PTPRG: variants seen among roughly 807,000 people sequenced by gnomAD.
The protein encoded by PTPRG is protein tyrosine phosphatase receptor type G, also known as receptor-type tyrosine-protein phosphatase gamma.
PTPRG carries 102 observed loss-of-function variants against 165.3 expected under a neutral mutation model. The observed-to-expected ratio is 0.62, with a 90% CI of 0.53 to 0.73. The LOEUF (loss-of-function observed/expected upper bound fraction) is 0.73, where lower values mean the gene tolerates loss of function less well. Among genes scored for constraint, PTPRG ranks in the 30% least tolerant of loss-of-function variants. The pLI is 0.00. For synonymous variants in PTPRG, 675 were observed against 669.5 expected, an observed-to-expected ratio of 1.01 and a Z score of -0.13; for missense variants, 1,866 against 1,861.4, an observed-to-expected ratio of 1.00 and a Z score of -0.05.
chr3:62,074,162 T>C (rs1482481256), intron 4 of PTPRG, among the ~76,000 whole-genome samples: 4 of 143,296 alleles, frequency 2.8e-5, no homozygotes, highest in Admixed American at 7.2e-5. Flanking sequence ...TCCCAGATGA[T>C]TGAGGAAAAA....
chr3:61,667,677 C>T (rs1575575960), intron 1 of PTPRG, among the ~76,000 whole-genome samples: 1 of 152,044 alleles, frequency 6.6e-6, no homozygotes, highest in East Asian at 1.9e-4. Context: ...TGGTGCTGCA[C>T]ACCTGCAGTC....
intron 2 of PTPRG, among the ~76,000 whole-genome samples, chr3:61,861,394 G>T (rs189864426): frequency 9.5e-4 from 145 of 152,298 alleles, no homozygotes; most frequent in Non-Finnish European, 1.8e-3. Context: ...ATTGATCAAA[G>T]ATATCATTGT....
rs537743302 is a variant in PTPRG at position 62,168,098 on chromosome 3, G to T, written c.968G>T (p.Arg323Leu). The T allele has an allele frequency of 2.3e-5, 37 of 1,614,062 alleles. No individual in the cohort carries two copies. In the African/African-American group the frequency reaches 4.8e-4, roughly 21 times the overall value. The change falls in exon 8 of 30, where the codon CGT (arginine) becomes CTT (leucine). Residue 323 changes from arginine (R) to leucine (L), a missense_variant. Arg to Leu is a moderately radical substitution (Grantham distance 102). This residue lies in a region of PTPRG where 1,452 missense variants were observed against 1,463.0 expected (regional missense o/e 0.99). Transcript: ENST00000474889. The stretch of plus-strand genomic sequence containing the variant: ...AGGGTGGTGTCCAAGTCCGCCGTCC[G>T]TGACTCCTGGAACCACGACATGACA... Reference protein sequence around the residue: ...HDRVVSKSAVRDSWNHDMTDF... With the variant: ...HDRVVSKSAVLDSWNHDMTDF...
intron 11 of PTPRG, 31 bp downstream of exon 11, chr3:62,201,585 TG>T: frequency 6.2e-7 from 1 of 1,602,876 alleles, no homozygotes; most frequent in Non-Finnish European, 8.5e-7. Context: ...TGCTTTGTCG[TG>T]GCTGGTTGTT....
intron 1 of PTPRG, among the ~76,000 whole-genome samples, chr3:61,690,601 T>C (rs971634896): frequency 6.6e-6 from 1 of 152,214 alleles, no homozygotes; most frequent in African/African-American, 2.4e-5. Flanking sequence ...TGAAGGTCCA[T>C]GAAGGGATAG....
chr3:62,054,505 G>A (rs1700568966), intron 4 of PTPRG, among the ~76,000 whole-genome samples: 1 of 152,156 alleles, frequency 6.6e-6, no homozygotes, highest in African/African-American at 2.4e-5. Flanking sequence ...TGGGCCAGGT[G>A]ATTTGATAGA....
At chr3:61,638,779 C>A (rs964429027) in intron 1 of PTPRG, among the ~76,000 whole-genome samples, 12 of 151,656 alleles carry the variant, frequency 7.9e-5, no homozygotes, top group Non-Finnish European at 1.2e-4. Flanking sequence ...TTTGCTTGTT[C>A]AGTTGTTTAA....
intron 1 of PTPRG, among the ~76,000 whole-genome samples, chr3:61,738,317 T>TATATATATAC (rs2032832443): frequency 9.5e-6 from 1 of 104,890 alleles, no homozygotes; most frequent in African/African-American, 3.1e-5. Flanking sequence ...TATATACATA[T>TATATATATAC]ATATATATAT....
intron 1 of PTPRG, among the ~76,000 whole-genome samples, chr3:61,608,629 A>G (rs1445053074): frequency 1.3e-5 from 2 of 152,202 alleles, no homozygotes; most frequent in Non-Finnish European, 2.9e-5. Flanking sequence ...GAGCTGCTCA[A>G]TCAGCTGGCT....
chr3:62,205,517 G>C (rs1406891252), intron 12 of PTPRG, among the ~76,000 whole-genome samples: 1 of 152,214 alleles, frequency 6.6e-6, no homozygotes, highest in African/African-American at 2.4e-5. Context: ...AATTGCTACA[G>C]TTGGGGAGCG....
At chr3:62,090,637 C>T (rs2106793874) in intron 5 of PTPRG, among the ~76,000 whole-genome samples, 1 of 152,300 alleles carries the variant, frequency 6.6e-6, no homozygotes, top group Admixed American at 6.5e-5. Flanking sequence ...GTGTCTGACT[C>T]TCTTTGAATA....
At chr3:61,946,614 G>A (rs1035147553) in intron 2 of PTPRG, among the ~76,000 whole-genome samples, 3 of 152,188 alleles carry the variant, frequency 2.0e-5, no homozygotes, top group Non-Finnish European at 1.5e-5. Flanking sequence ...CCAAGTACAG[G>A]TATGATATTC....
intron 5 of PTPRG, among the ~76,000 whole-genome samples, chr3:62,117,708 T>C (rs1301915516): frequency 6.6e-6 from 1 of 152,214 alleles, no homozygotes; most frequent in African/African-American, 2.4e-5. Flanking sequence ...ATAGTATTAA[T>C]ACTATATCTA....
intron 2 of PTPRG, among the ~76,000 whole-genome samples, chr3:61,891,609 T>C (rs1217264991): frequency 6.6e-6 from 1 of 152,194 alleles, no homozygotes; most frequent in Non-Finnish European, 1.5e-5. Flanking sequence ...GTCAAGAATG[T>C]TGTTACAGAT....
intron 1 of PTPRG, among the ~76,000 whole-genome samples, chr3:61,742,225 C>G (rs1195598992): frequency 6.6e-6 from 1 of 152,178 alleles, no homozygotes; most frequent in African/African-American, 2.4e-5. Context: ...ACAGTTAAGG[C>G]AGATGGGATA....
At chr3:61,644,723 T>C (rs960673551) in intron 1 of PTPRG, among the ~76,000 whole-genome samples, 6 of 152,240 alleles carry the variant, frequency 3.9e-5, no homozygotes, top group African/African-American at 1.4e-4. Context: ...TTCTAAGATT[T>C]ATAGAATCCT....
At chr3:62,165,726 G>T (rs1363576915) in intron 7 of PTPRG, among the ~76,000 whole-genome samples, 1 of 152,140 alleles carries the variant, frequency 6.6e-6, no homozygotes, top group Admixed American at 6.5e-5. Flanking sequence ...TTTTACATAA[G>T]CTGTGGAATT....
intron 2 of PTPRG, among the ~76,000 whole-genome samples, chr3:61,885,656 TCTCTCCTCTCCTCTCCTCTCCTCTC>T (rs1559669033): frequency 1.4e-3 from 66 of 45,528 alleles, no homozygotes; most frequent in South Asian, 3.0e-3. Flanking sequence ...CTCTTTTCCT[TCTCTCCTCTCCTCTCCTCTCCTCTC>T]CTCTCCTCTC....
intron 5 of PTPRG, among the ~76,000 whole-genome samples, chr3:62,127,903 T>C (rs566433873): frequency 6.6e-6 from 1 of 152,344 alleles, no homozygotes; most frequent in South Asian, 2.1e-4. Flanking sequence ...CTAGAGATTA[T>C]TGATAGCTTG....
Sources: allele counts gnomAD v4.1 joint callset (sites outside exome capture counted in the v4.1 genomes callset), GRCh38; gene constraint gnomAD v4.1.1; regional missense constraint gnomAD v4.1.1; transcripts MANE v1.5; gene names NCBI Gene and HGNC (gene_info 2026-07-23, HGNC 2026-07-21).